AKT3: variants seen among roughly 807,000 people sequenced by gnomAD.
AKT3 encodes AKT serine/threonine kinase 3, also known as RAC-gamma serine/threonine-protein kinase.
A neutral mutation model predicts 65.3 loss-of-function variants in AKT3; 15 were observed. The ratio of observed to expected loss-of-function variants is 0.23; its 90% CI spans 0.15 to 0.35. The LOEUF is 0.35. Among genes scored for constraint, AKT3 ranks in the 10% least tolerant of loss-of-function variants. The probability of loss-of-function intolerance (pLI) is 1.00; values close to 1 mark genes in which losing one functional copy is unlikely to be tolerated. For synonymous variants in AKT3, 206 were observed against 183.8 expected (o/e 1.12, Z -0.98); for missense variants, 243 against 576.5 (o/e 0.42, Z 5.92).
At position 243,800,502 on chromosome 1, in the gene AKT3, G is replaced by A. The variant is rs142913089; in HGVS notation, c.46+42623C>T. ...TGGTAGGCCAAGGTGGGCGGATCAC[G>A]AGGTCAAGAGATCAAGACCATCCTG... On this transcript the variant is annotated intron_variant, in intron 2 of 13. Coordinates refer to ENST00000673466, the MANE Select transcript of AKT3 (RefSeq NM_005465.7). Among the ~76,000 whole-genome samples, 220 of 152,238 alleles carry A rather than the reference G, an allele frequency of 1.4e-3. 2 individuals are homozygous for A. In the East Asian group the frequency reaches 0.032, roughly 22 times the overall value.
At chr1:243,638,155 GCTAT>G (rs1429243126) in intron 5 of AKT3, among the ~76,000 whole-genome samples, 3 of 152,136 alleles carry the variant, frequency 2.0e-5, no homozygotes, top group East Asian at 1.9e-4. Context: ...TTTGGAAGGA[GCTAT>G]CTGAGAATTT....
chr1:243,704,952 G>T (rs1180926426), intron 2 of AKT3, among the ~76,000 whole-genome samples: 1 of 152,070 alleles, frequency 6.6e-6, no homozygotes, highest in Non-Finnish European at 1.5e-5. Context: ...ACTGGTCAAT[G>T]TTGCCACTGC....
intron 3 of AKT3, among the ~76,000 whole-genome samples, chr1:243,671,982 T>C (rs150557033): frequency 1.3e-5 from 2 of 152,292 alleles, no homozygotes; most frequent in African/African-American, 2.4e-5. Flanking sequence ...CCCTCTTCTA[T>C]ACCTTCTCTA....
At chr1:243,735,397 GT>G (rs1435836872) in intron 2 of AKT3, among the ~76,000 whole-genome samples, 1 of 152,162 alleles carries the variant, frequency 6.6e-6, no homozygotes, top group East Asian at 1.9e-4. Flanking sequence ...CATATATGCA[GT>G]CCATCATTGA....
At chr1:243,697,289 A>AT (rs1392848427) in intron 2 of AKT3, among the ~76,000 whole-genome samples, 1 of 152,014 alleles carries the variant, frequency 6.6e-6, no homozygotes, top group East Asian at 1.9e-4. Context: ...CTGGCTTAAT[A>AT]GAAGACAGCT....
At chr1:243,540,091 G>A (rs980259811) in intron 12 of AKT3, among the ~76,000 whole-genome samples, 9 of 152,058 alleles carry the variant, frequency 5.9e-5, no homozygotes, top group African/African-American at 2.2e-4. Flanking sequence ...TTCCCCTTTT[G>A]TTTTTAAAAA....
chr1:243,652,700 A>G (rs950669634), intron 4 of AKT3, among the ~76,000 whole-genome samples: 2 of 146,756 alleles, frequency 1.4e-5, no homozygotes, highest in Non-Finnish European at 3.0e-5. Context: ...CAGGAGATCC[A>G]TCTCTCATGC....
chr1:243,515,976 CA>C (rs34471647), intron 12 of AKT3, among the ~76,000 whole-genome samples: 24,600 of 139,358 alleles, frequency 0.18, 2,100 homozygotes, highest in East Asian at 0.29. Context: ...GACTCCATCT[CA>C]AAAAAAAAAA....
At chr1:243,701,841 G>A (rs967112112) in intron 2 of AKT3, among the ~76,000 whole-genome samples, 4 of 152,042 alleles carry the variant, frequency 2.6e-5, no homozygotes, top group African/African-American at 7.2e-5. Context: ...TCACATGTAT[G>A]TCAGGAATAG....
At chr1:243,762,086 T>C (rs578130561) in intron 2 of AKT3, among the ~76,000 whole-genome samples, 1 of 152,122 alleles carries the variant, frequency 6.6e-6, no homozygotes, top group East Asian at 1.9e-4. Flanking sequence ...ACGTTTAATA[T>C]CTTCTTAGGA....
At chr1:243,787,127 A>G (rs1320614490) in intron 2 of AKT3, among the ~76,000 whole-genome samples, 1 of 152,230 alleles carries the variant, frequency 6.6e-6, no homozygotes, top group Non-Finnish European at 1.5e-5. Context: ...CATCTCATCC[A>G]TAAGTAAGAT....
In AKT3 at chr1:243,822,504, A is replaced by T. The variant is rs116778941; in HGVS notation, c.46+20621T>A. Reference sequence around the variant, plus strand: ...AACTAATCCAGGAGCTGGTTTTTTTAAAAAATTAATAAAATAGCTAGAACG... The same window carrying T: ...AACTAATCCAGGAGCTGGTTTTTTTTAAAAATTAATAAAATAGCTAGAACG... On this transcript the variant is annotated intron_variant, in intron 2 of 13. Transcript: ENST00000673466. Among the ~76,000 whole-genome samples the T allele has an allele frequency of 5.1e-3, 774 of 151,662 alleles. 9 individuals carry two copies. The highest frequency in any genetic ancestry group is 0.018 in the African/African-American group (727 of 41,384).
intron 2 of AKT3, among the ~76,000 whole-genome samples, chr1:243,763,149 C>G: frequency 6.6e-6 from 1 of 152,004 alleles, no homozygotes; most frequent in East Asian, 1.9e-4. Context: ...TACTGAAATT[C>G]GCATACATTT....
chr1:243,850,076 T>C lies in AKT3; in HGVS notation c.-149A>G, dbSNP rs1695702694. ...GCGGCGGCGGTGGCGGCCCCGCAGC[T>C]GCTCGGGCGGCGGCGGAGGATGGAG... On this transcript the variant is annotated 5_prime_UTR_variant, in exon 1 of 14. Coordinates refer to ENST00000673466, the MANE Select transcript of AKT3 (RefSeq NM_005465.7). 1.2e-6 allele frequency: 1 copy of C among 850,740 alleles called. No homozygotes were observed. The highest frequency in any genetic ancestry group is 2.1e-5 in the African/African-American group (1 of 47,404). The allele number at this position is 850,740 out of a possible 1,614,324, so 52.7% of individuals were successfully genotyped here. A position where few individuals can be genotyped will look rare whatever the true frequency, so the allele number is the denominator to read the frequency against.
intron 2 of AKT3, among the ~76,000 whole-genome samples, chr1:243,802,304 C>A (rs940940263): frequency 1.3e-5 from 2 of 152,156 alleles, no homozygotes; most frequent in African/African-American, 4.8e-5. Context: ...CTCTACGCTA[C>A]ATGACATGGT....
intron 2 of AKT3, chr1:243,739,645 A>G (rs1054319871): frequency 1.3e-5 from 2 of 152,154 alleles, no homozygotes; most frequent in African/African-American, 4.8e-5. Flanking sequence ...GATCATTCAC[A>G]TCATCTTATG....
At chr1:243,724,056 A>G (rs939423412) in intron 2 of AKT3, among the ~76,000 whole-genome samples, 9 of 152,174 alleles carry the variant, frequency 5.9e-5, no homozygotes, top group African/African-American at 2.2e-4. Context: ...AGAAACAACA[A>G]ATTTCATTTT....
intron 3 of AKT3, among the ~76,000 whole-genome samples, chr1:243,677,663 T>C (rs1321885941): frequency 6.6e-6 from 1 of 152,008 alleles, no homozygotes; most frequent in African/African-American, 2.4e-5. Flanking sequence ...AAGGAGTAGA[T>C]GTAAAGAATA....
chr1:243,562,069 G>A (rs1673826402), intron 10 of AKT3, among the ~76,000 whole-genome samples: 1 of 152,106 alleles, frequency 6.6e-6, no homozygotes, highest in South Asian at 2.1e-4. Context: ...AAAAATGGAT[G>A]CAACCCAATG....
Sources: gnomAD v4.1 joint callset for allele counts (sites outside exome capture counted in the v4.1 genomes callset) on GRCh38, gnomAD v4.1.1 for gene constraint, MANE v1.5 for transcripts, NCBI Gene and HGNC (gene_info 2026-07-23, HGNC 2026-07-21) for gene names.